The following ISCU variants were observed in gnomAD, a reference collection of about 807,000 sequenced individuals.
ISCU encodes iron-sulfur cluster assembly enzyme.
A neutral mutation model predicts 18.4 loss-of-function variants in ISCU; 13 were observed. The observed-to-expected ratio is 0.71, with a 90% CI of 0.46 to 1.12. The LOEUF is 1.12. ISCU is among the 50% of genes most tolerant of loss of function. The probability of loss-of-function intolerance (pLI) is 0.00; values close to 1 mark genes in which losing one functional copy is unlikely to be tolerated. For missense variants in ISCU, 229 were observed against 208.7 expected (o/e 1.10, Z -0.60); for synonymous variants, 104 against 87.5 (o/e 1.19, Z -1.06).
chr12:108,565,187 C>T, intron 2 of ISCU, 134 bp from the exon 3 acceptor site: 1 of 710,124 alleles, frequency 1.4e-6, no homozygotes, highest in East Asian at 2.5e-5. Context: ...AAGGCAAAGT[C>T]AGTAATTAAT....
Position 108,564,401 on chromosome 12 carries a change from A to G in ISCU, c.228+9A>G, listed in dbSNP as rs1191818520. 1.3e-6 allele frequency: 2 copies of G among 1,562,178 alleles called. No individual in the cohort carries two copies. The highest frequency in any genetic ancestry group is 1.7e-4 in the Middle Eastern group (1 of 5,986). On this transcript the variant is annotated intron_variant, in intron 2 of 4. Coordinates refer to ENST00000311893, the MANE Select transcript of ISCU (RefSeq NM_213595.4). ...ACGTAATGAAATTACAGGTATGGCTAGTCTTTTTTAATAGTGATAACAATA... is the reference window on the plus strand; with the variant it reads ...ACGTAATGAAATTACAGGTATGGCTGGTCTTTTTTAATAGTGATAACAATA...
rs750338671 is a variant in ISCU, at chr12:108,568,857, G to T, written c.445G>T (p.Ala149Ser). 9.9e-6 allele frequency: 16 copies of T among 1,613,324 alleles called. No individual in the cohort carries two copies. Among genetic ancestry groups the T allele is most frequent in the African/African-American group, 2.7e-5 (2 of 74,920 alleles). Residue 149 changes from alanine (A) to serine (S), a missense_variant, in exon 5 of 5, where the codon GCC becomes TCC. Transcript: ENST00000311893. ...GCTGGCTGAAGATGCAATCAAGGCCGCCCTGGCTGATTACAAATTGAAACA... is the reference window on the plus strand; with the variant it reads ...GCTGGCTGAAGATGCAATCAAGGCCTCCCTGGCTGATTACAAATTGAAACA... ...SMLAEDAIKAALADYKLKQEP... is the reference protein window; with the variant it reads ...SMLAEDAIKASLADYKLKQEP...
chr12:108,565,909 A>G (rs1264744349), intron 3 of ISCU, among the ~76,000 whole-genome samples: 2 of 152,260 alleles, frequency 1.3e-5, no homozygotes, highest in African/African-American at 4.8e-5. Context: ...AAATCAGAAC[A>G]GTGATCCAGG....
At chr12:108,565,561 G>T (rs1592791895) in intron 3 of ISCU, 130 bp downstream of exon 3, 2 of 702,468 alleles carry the variant, frequency 2.8e-6, no homozygotes, top group East Asian at 5.4e-5. Flanking sequence ...GGGAATTATG[G>T]ATCATTCTAC....
chr12:108,564,519 C>T, intron 2 of ISCU, 127 bp downstream of exon 2: 1 of 732,036 alleles, frequency 1.4e-6, no homozygotes, highest in African/African-American at 1.7e-5. Context: ...GTCTCCATTC[C>T]TGTGAGATGG....
chr12:108,567,971 A>T, intron 4 of ISCU: 1 of 1,508,482 alleles, frequency 6.6e-7, no homozygotes, highest in East Asian at 2.5e-5. Flanking sequence ...GAGGTTTACT[A>T]ACCAAATTAG....
chr12:108,565,282 G>C (rs780772614), intron 2 of ISCU, 39 bp from the exon 3 acceptor site: 4 of 1,462,278 alleles, frequency 2.7e-6, no homozygotes, highest in East Asian at 2.3e-5. Flanking sequence ...CCAGAGGGTG[G>C]TCCCAGGACT....
chr12:108,565,785 G>A (rs903763303), intron 3 of ISCU, among the ~76,000 whole-genome samples: 15 of 152,074 alleles, frequency 9.9e-5, no homozygotes, highest in African/African-American at 3.1e-4. Context: ...TTCCTCTCAT[G>A]TTTCAGGAAG....
chr12:108,568,701 C>A, intron 4 of ISCU, 130 bp from the exon 5 acceptor site: 1 of 1,519,314 alleles, frequency 6.6e-7, no homozygotes, highest in Non-Finnish European at 8.8e-7. Context: ...CTCCTCACCC[C>A]AGCTTTCTGG....
At position 108,568,837 on chromosome 12, in the gene ISCU, C is replaced by T. The variant is rs2031021517; in HGVS notation, c.425C>T (p.Ala142Val). 6.2e-7 allele frequency: 1 copy of T among 1,613,086 alleles called. No homozygotes were observed. Among genetic ancestry groups the T allele is most frequent in the African/African-American group, 1.3e-5 (1 of 75,032 alleles). ...PPVKLHCSMLAEDAIKAALAD... is the reference protein window; with the variant it reads ...PPVKLHCSMLVEDAIKAALAD... Reference sequence around the variant, plus strand: ...TTCCTTCCGTTACTTCCAGTGCTGGCTGAAGATGCAATCAAGGCCGCCCTG... The same window carrying T: ...TTCCTTCCGTTACTTCCAGTGCTGGTTGAAGATGCAATCAAGGCCGCCCTG... Residue 142 changes from alanine (A) to valine (V), a missense_variant, in exon 5 of 5, where the codon GCT becomes GTT. By Grantham distance (64) the Ala-to-Val change is moderately conservative. Coordinates refer to ENST00000311893, the MANE Select transcript of ISCU (RefSeq NM_213595.4).
chr12:108,565,513 C>G, intron 3 of ISCU, 82 bp downstream of exon 3: 2 of 863,700 alleles, frequency 2.3e-6, no homozygotes, highest in Non-Finnish European at 3.9e-6. Flanking sequence ...AAAATTTCTC[C>G]TATGCAGATG....
chr12:108,568,645 G>A (rs1228038221), intron 4 of ISCU, 186 bp from the exon 5 acceptor site: 17 of 1,447,624 alleles, frequency 1.2e-5, no homozygotes, highest in Middle Eastern at 1.9e-4. Context: ...AGGATCACCC[G>A]CAGGAGTAAC....
upstream of ISCU, among the ~76,000 whole-genome samples, chr12:108,561,997 T>TC (rs1404306056): frequency 2.0e-5 from 3 of 152,140 alleles, no homozygotes; most frequent in Admixed American, 6.5e-5. Flanking sequence ...TTCCGTTGGA[T>TC]CCCCGGGTCT....
chr12:108,564,058 A>G, intron 1 of ISCU: 2 of 1,588,892 alleles, frequency 1.3e-6, no homozygotes, highest in South Asian at 1.1e-5. Context: ...TTTTTCTTCT[A>G]GGTATCTCAA....
upstream of ISCU, chr12:108,561,504 C>A: frequency 4.4e-6 from 1 of 226,074 alleles, no homozygotes; most frequent in Non-Finnish European, 8.8e-6. Flanking sequence ...CAAAGTGATT[C>A]TTCGATTAAA....
chr12:108,564,309 G>A lies in ISCU; in HGVS notation c.145G>A (p.Val49Met), dbSNP rs371513074. Residue 49 changes from valine to methionine, a missense_variant, in exon 2 of 5, where the codon GTG becomes ATG. By Grantham distance (21) the Val-to-Met change is conservative. Coordinates refer to ENST00000311893, the MANE Select transcript of ISCU (RefSeq NM_213595.4). ...TGATCATTATGAAAATCCTAGAAAC[G>A]TGGGGTCCCTTGACAAGACATCTAA... is the stretch of plus-strand genomic sequence containing the variant. ...VVDHYENPRN[V>M]GSLDKTSKNV... 2.6e-5 allele frequency: 42 copies of A among 1,613,934 alleles called. No homozygotes were observed. Among genetic ancestry groups the A allele is most frequent in the African/African-American group, 2.3e-4 (17 of 74,920 alleles).
chr12:108,564,323 C>CAAGACATCT lies in ISCU; in HGVS notation c.162_170dup (p.Thr55_Lys57dup). 6.2e-7 allele frequency: 1 copy of CAAGACATCT among 1,614,160 alleles called. No homozygotes were observed. The highest frequency in any genetic ancestry group is 8.5e-7 in the Non-Finnish European group (1 of 1,180,000). ...ATCCTAGAAACGTGGGGTCCCTTGACAAGACATCTAAAAATGTTGGAACTG... is the reference window on the plus strand; with the variant it reads ...ATCCTAGAAACGTGGGGTCCCTTGACAAGACATCTAAGACATCTAAAAATGTTGGAACTG... On this transcript the variant is annotated inframe_insertion, in exon 2 of 5. Coordinates refer to ENST00000311893, the MANE Select transcript of ISCU (RefSeq NM_213595.4).
chr12:108,567,646 C>A, intron 4 of ISCU: 4 of 1,534,722 alleles, frequency 2.6e-6, no homozygotes, highest in Non-Finnish European at 1.7e-6. Context: ...AAGCTCCAAT[C>A]TTTGATTTCA....
upstream of ISCU, among the ~76,000 whole-genome samples, chr12:108,562,331 G>A (rs2030611821): frequency 6.8e-6 from 1 of 147,292 alleles, no homozygotes; most frequent in African/African-American, 2.5e-5. Context: ...CGGGATTTGT[G>A]AAAGCGAACT....
Sources: gnomAD v4.1 joint callset for allele counts (sites outside exome capture counted in the v4.1 genomes callset) on GRCh38, gnomAD v4.1.1 for gene constraint, MANE v1.5 for transcripts, NCBI Gene and HGNC (gene_info 2026-07-23, HGNC 2026-07-21) for gene names.